The following TEAD4 variants were observed in gnomAD, a reference collection of about 807,000 sequenced individuals.
The protein encoded by TEAD4 is TEA domain transcription factor 4.
Under a neutral mutation model 52.4 loss-of-function variants are expected in TEAD4, and 36 were observed. That is an observed-to-expected ratio of 0.69 (90% confidence interval 0.53 to 0.91). TEAD4 has a LOEUF of 0.91. Ranked by LOEUF, TEAD4 falls within the 40% of genes least tolerant of loss-of-function variation. The pLI is 0.00. For synonymous variants in TEAD4, 220 were observed against 231.0 expected (o/e 0.95, Z 0.43); for missense variants, 508 against 583.9 (o/e 0.87, Z 1.34).
chr12:3,020,425 C>A (rs936217911), intron 8 of TEAD4, among the ~76,000 whole-genome samples: 3 of 152,018 alleles, frequency 2.0e-5, no homozygotes, highest in African/African-American at 7.2e-5. Context: ...TTGTACCAGG[C>A]GAGCCCCTCC....
chr12:2,969,685 G>A (rs1168248910), intron 2 of TEAD4, among the ~76,000 whole-genome samples: 2 of 152,242 alleles, frequency 1.3e-5, no homozygotes, highest in African/African-American at 4.8e-5. Context: ...CAAGGCTTGG[G>A]ACGAGGGTGC....
rs1158904338 is a variant in TEAD4, at chr12:3,021,842, A to C, written c.724-2A>C. 6.2e-7 allele frequency: 1 copy of C among 1,613,886 alleles called. No homozygotes were observed. The highest frequency in any genetic ancestry group is 8.5e-7 in the Non-Finnish European group (1 of 1,179,822). ...TCTCCCTCAGACCCACTCTCTCCAC[A>C]GTACAACAAGCACCTGTTCGTGCAC... is the stretch of plus-strand genomic sequence containing the variant. On this transcript the variant is annotated splice_acceptor_variant, in intron 9 of 12. Coordinates refer to ENST00000359864, the MANE Select transcript of TEAD4 (RefSeq NM_003213.4). LOFTEE classifies it high-confidence loss of function.
Position 2,994,983 on chromosome 12 carries a change from A to G in TEAD4, c.217A>G (p.Lys73Glu). ...CAAAATCATCCTGTCGGACGAGGGC[A>G]AGATGTATGGTAAGGAGCCCGTCGG... is the stretch of plus-strand genomic sequence containing the variant. Residue 73 changes from lysine to glutamate, a missense_variant, in exon 3 of 13, where the codon AAG becomes GAG. By Grantham distance (56) the Lys-to-Glu change is moderately conservative. Coordinates refer to ENST00000359864, the MANE Select transcript of TEAD4 (RefSeq NM_003213.4). The surrounding 1 kb of genome is among the most constrained non-coding windows in gnomAD (Gnocchi z 4.7). The G allele has an allele frequency of 6.2e-7, 1 of 1,613,898 alleles. No individual in the cohort carries two copies. Among genetic ancestry groups the G allele is most frequent in the Non-Finnish European group, 8.5e-7 (1 of 1,179,914 alleles).
intron 10 of TEAD4, 56 bp from the exon 11 acceptor site, chr12:3,037,912 C>A: frequency 6.4e-7 from 1 of 1,573,790 alleles, no homozygotes; most frequent in Non-Finnish European, 8.7e-7. Context: ...CCTTGATGCT[C>A]CCGTCTGACA....
At chr12:3,021,033 T>C (rs1314025213) in intron 9 of TEAD4, among the ~76,000 whole-genome samples, 2 of 151,922 alleles carry the variant, frequency 1.3e-5, no homozygotes, top group East Asian at 3.9e-4. Context: ...CCTGTGTTCC[T>C]CCTCCCCTCC....
At chr12:2,965,148 T>A (rs2098219196) in intron 2 of TEAD4, among the ~76,000 whole-genome samples, 1 of 152,018 alleles carries the variant, frequency 6.6e-6, no homozygotes, top group African/African-American at 2.4e-5. Flanking sequence ...CAATTCTTGG[T>A]TAGATTTTGT....
intron 3 of TEAD4, among the ~76,000 whole-genome samples, chr12:3,005,584 C>T (rs1053189178): frequency 1.3e-5 from 2 of 151,972 alleles, no homozygotes; most frequent in Non-Finnish European, 1.5e-5. Context: ...GCAAGCTCTG[C>T]CTCCTGGGTT....
At chr12:2,972,001 T>C (rs2098225552) in intron 2 of TEAD4, among the ~76,000 whole-genome samples, 1 of 151,490 alleles carries the variant, frequency 6.6e-6, no homozygotes, top group South Asian at 2.1e-4. Flanking sequence ...TCAGTAGGGA[T>C]GGGGTTTTGC....
rs920970076 is a variant in TEAD4 at position 2,994,998 on chromosome 12, G to T, written c.226+6G>T. 2 of 1,612,710 alleles carry T rather than the reference G, an allele frequency of 1.2e-6. No individual in the cohort carries two copies. Among genetic ancestry groups the T allele is most frequent in the African/African-American group, 2.7e-5 (2 of 74,930 alleles). ...GGACGAGGGCAAGATGTATGGTAAG[G>T]AGCCCGTCGGGTTCAGCCCTGTACC... On this transcript the variant is annotated splice_donor_region_variant and intron_variant, in intron 3 of 12. Transcript: ENST00000359864. The surrounding 1 kb of genome is among the most constrained non-coding windows in gnomAD (Gnocchi z 4.7).
chr12:3,008,343 G>A (rs967263854), intron 3 of TEAD4, among the ~76,000 whole-genome samples: 6 of 152,158 alleles, frequency 3.9e-5, no homozygotes, highest in African/African-American at 1.4e-4. Context: ...GCAGGTGTGG[G>A]CCTGGTGTGT....
At chr12:3,015,496 C>A (rs568293305) in intron 5 of TEAD4, among the ~76,000 whole-genome samples, 1 of 152,242 alleles carries the variant, frequency 6.6e-6, no homozygotes, top group Non-Finnish European at 1.5e-5. Flanking sequence ...TGGCTTCACA[C>A]CTGCACGGCA....
intron 3 of TEAD4, among the ~76,000 whole-genome samples, chr12:2,997,683 A>C (rs2098248290): frequency 6.6e-6 from 1 of 151,206 alleles, no homozygotes; most frequent in Non-Finnish European, 1.5e-5. Flanking sequence ...GCAAGGGGCA[A>C]GGGCGGAGGG....
At chr12:3,011,116 C>T in intron 4 of TEAD4, 48 bp downstream of exon 4, 2 of 1,606,180 alleles carry the variant, frequency 1.2e-6, no homozygotes, top group Non-Finnish European at 1.7e-6. Flanking sequence ...TACCCCAGCA[C>T]CAGTCTGCTC....
At chr12:3,007,896 A>G (rs187044967) in intron 3 of TEAD4, among the ~76,000 whole-genome samples, 1 of 152,226 alleles carries the variant, frequency 6.6e-6, no homozygotes, top group Non-Finnish European at 1.5e-5. Context: ...GGTTATTTGC[A>G]TGTATTTAAC....
At chr12:3,015,001 C>T (rs190450478) in intron 5 of TEAD4, among the ~76,000 whole-genome samples, 14 of 152,298 alleles carry the variant, frequency 9.2e-5, no homozygotes, top group African/African-American at 3.1e-4. Context: ...CTGAAAATTC[C>T]AAGTGTCCTG....
chr12:3,020,990 C>T (rs997866061), intron 9 of TEAD4, among the ~76,000 whole-genome samples: 2 of 152,066 alleles, frequency 1.3e-5, no homozygotes, highest in East Asian at 1.9e-4. Flanking sequence ...CGTGTCCCAG[C>T]GCCCAGTCAG....
At chr12:2,977,053 T>A (rs1262269483) in intron 2 of TEAD4, among the ~76,000 whole-genome samples, 1 of 148,092 alleles carries the variant, frequency 6.8e-6, no homozygotes. Context: ...GTGAATCACG[T>A]GCAAGGAGCC....
Position 3,040,389 on chromosome 12 carries a change from G to A in TEAD4, c.1216G>A (p.Glu406Lys). The change falls in exon 13 of 13, where the codon GAG becomes AAG. Residue 406 changes from glutamate to lysine, a missense_variant. Glu to Lys is a moderately conservative substitution (Grantham distance 56, BLOSUM62 1). Coordinates refer to ENST00000359864, the MANE Select transcript of TEAD4 (RefSeq NM_003213.4). ...GGTGGTCACCAACAGAGACACACAG[G>A]AGACCTTGCTGTGCATTGCCTATGT... is the stretch of plus-strand genomic sequence containing the variant. 6.2e-7 allele frequency: 1 copy of A among 1,614,212 alleles called. No homozygotes were observed. Among genetic ancestry groups the A allele is most frequent in the Non-Finnish European group, 8.5e-7 (1 of 1,180,044 alleles).
At chr12:2,977,381 G>A (rs2098230636) in intron 2 of TEAD4, among the ~76,000 whole-genome samples, 3 of 152,048 alleles carry the variant, frequency 2.0e-5, no homozygotes, top group Non-Finnish European at 4.4e-5. Context: ...CATTGCTCAA[G>A]GGGTCCAGCT....
Sources: allele counts gnomAD v4.1 joint callset (sites outside exome capture counted in the v4.1 genomes callset), GRCh38; gene constraint gnomAD v4.1.1; non-coding constraint Gnocchi (gnomAD v3.1); transcripts MANE v1.5; gene names NCBI Gene and HGNC (gene_info 2026-07-23, HGNC 2026-07-21).